Variants in PIK3C2G observed in about 807,000 individuals in gnomAD.
PIK3C2G encodes the protein phosphatidylinositol-4-phosphate 3-kinase catalytic subunit type 2 gamma.
A neutral mutation model predicts 181.1 loss-of-function variants in PIK3C2G; 168 were observed. That is an observed-to-expected ratio of 0.93 (90% CI 0.82 to 1.05). The LOEUF (loss-of-function observed/expected upper bound fraction) is 1.05, where lower values mean the gene tolerates loss of function less well. Ranked by LOEUF, PIK3C2G falls within the 50% of genes least tolerant of loss-of-function variation. PIK3C2G has a pLI of 0.00. For missense variants in PIK3C2G, 1,869 were observed against 1,732.8 expected, an observed-to-expected ratio of 1.08 and a Z score of -1.40; for synonymous variants, 573 against 592.2, an observed-to-expected ratio of 0.97 and a Z score of 0.47.
chr12:18,516,157 C>T (rs1942525262), intron 24 of PIK3C2G, among the ~76,000 whole-genome samples: 1 of 151,892 alleles, frequency 6.6e-6, no homozygotes, highest in Non-Finnish European at 1.5e-5. Context: ...TAAGACAGAT[C>T]CGGTGTAAAT....
chr12:18,662,119 T>C, the PIK3C2G span, among the ~76,000 whole-genome samples: 1 of 152,024 alleles, frequency 6.6e-6, no homozygotes, highest in Admixed American at 6.6e-5. Context: ...ACACTGGGAC[T>C]ACTTGAAGAT....
At chr12:18,465,975 C>A (rs1188235570) in intron 18 of PIK3C2G, among the ~76,000 whole-genome samples, 1 of 151,338 alleles carries the variant, frequency 6.6e-6, no homozygotes, top group African/African-American at 2.4e-5. Flanking sequence ...TATCTTCCTA[C>A]ACTAGATTCT....
chr12:18,709,360 G>C, the PIK3C2G span, among the ~76,000 whole-genome samples: 1 of 151,954 alleles, frequency 6.6e-6, no homozygotes, highest in African/African-American at 2.4e-5. Flanking sequence ...TCTCTATTCT[G>C]TTCCACTGGT....
At chr12:18,725,811 CTTCT>C in the PIK3C2G span, among the ~76,000 whole-genome samples, 3 of 151,980 alleles carry the variant, frequency 2.0e-5, no homozygotes, top group Non-Finnish European at 4.4e-5. Flanking sequence ...CCGGAATATC[CTTCT>C]TTCTGTTTAA....
the PIK3C2G span, chr12:18,688,278 T>C: frequency 1.3e-6 from 2 of 1,525,994 alleles, no homozygotes; most frequent in African/African-American, 2.8e-5. Flanking sequence ...TCACCATTTA[T>C]TTCAAAATTA....
the PIK3C2G span, among the ~76,000 whole-genome samples, chr12:18,670,079 G>T: frequency 6.6e-6 from 1 of 151,986 alleles, no homozygotes. Context: ...CACCCCATTG[G>T]GAGTTAGGGC....
chr12:18,662,332 T>TA, the PIK3C2G span, among the ~76,000 whole-genome samples: 10 of 151,980 alleles, frequency 6.6e-5, no homozygotes, highest in African/African-American at 2.4e-4. Flanking sequence ...GTACAATTTT[T>TA]AAAAAACACA....
chr12:18,274,033 CA>C (rs1020201775), intron 1 of PIK3C2G, among the ~76,000 whole-genome samples: 7 of 151,978 alleles, frequency 4.6e-5, no homozygotes, highest in Admixed American at 1.3e-4. Flanking sequence ...CTTACACAGC[CA>C]AAAAACACAT....
chr12:18,559,951 C>A (rs2136324196), intron 26 of PIK3C2G, among the ~76,000 whole-genome samples: 1 of 150,356 alleles, frequency 6.7e-6, no homozygotes, highest in Admixed American at 6.6e-5. Flanking sequence ...CCAAGCAATT[C>A]TCCTGCCTCA....
At chr12:18,675,215 T>G in the PIK3C2G span, among the ~76,000 whole-genome samples, 1 of 152,126 alleles carries the variant, frequency 6.6e-6, no homozygotes, top group Non-Finnish European at 1.5e-5. Flanking sequence ...GAGTAAACTC[T>G]CCTCCTCCCT....
At chr12:18,483,348 G>C (rs1037536007) in intron 18 of PIK3C2G, among the ~76,000 whole-genome samples, 1 of 152,178 alleles carries the variant, frequency 6.6e-6, no homozygotes, top group Non-Finnish European at 1.5e-5. Context: ...CAGATACTCA[G>C]ACACTTGGCT....
At chr12:18,381,200 T>C (rs1942810127) in intron 13 of PIK3C2G, among the ~76,000 whole-genome samples, 1 of 152,236 alleles carries the variant, frequency 6.6e-6, no homozygotes, top group Non-Finnish European at 1.5e-5. Context: ...TTTAAACATT[T>C]AGAATATGAA....
At chr12:18,678,784 A>T in the PIK3C2G span, among the ~76,000 whole-genome samples, 1 of 152,048 alleles carries the variant, frequency 6.6e-6, no homozygotes, top group Non-Finnish European at 1.5e-5. Context: ...GGGTTATTAT[A>T]AAAAATCCTT....
intron 22 of PIK3C2G, among the ~76,000 whole-genome samples, chr12:18,500,883 G>A (rs117931298): frequency 1.3e-5 from 2 of 151,988 alleles, no homozygotes; most frequent in Admixed American, 6.6e-5. Context: ...AACCCTCACC[G>A]CGAAGGTCTG....
At chr12:18,533,914 A>G (rs1943693914) in intron 24 of PIK3C2G, among the ~76,000 whole-genome samples, 1 of 151,078 alleles carries the variant, frequency 6.6e-6, no homozygotes, top group Non-Finnish European at 1.5e-5. Context: ...AGTAATAAAC[A>G]GCAAACTATT....
At chr12:18,552,694 C>T (rs1474967828) in intron 26 of PIK3C2G, among the ~76,000 whole-genome samples, 1 of 152,082 alleles carries the variant, frequency 6.6e-6, no homozygotes, top group Admixed American at 6.6e-5. Flanking sequence ...GCTTTATAAA[C>T]TATTTTTAAC....
At chr12:18,594,774 G>A (rs1315277573) in intron 30 of PIK3C2G, among the ~76,000 whole-genome samples, 2 of 151,966 alleles carry the variant, frequency 1.3e-5, no homozygotes, top group African/African-American at 2.4e-5. Context: ...GAATTCTAGA[G>A]GTGTGGGGCT....
Position 18,562,805 on chromosome 12 carries a change from G to A in PIK3C2G, c.3693G>A (p.Gln1231=), listed in dbSNP as rs750895832. Residue 1231 remains glutamine (Q), a synonymous_variant, in exon 27 of 33, where the codon CAG becomes CAA. Transcript: ENST00000538779. ...TAAGCCCTGCCAAATCTACTTCACAGACTTTTCCTCAGGAATCCTGTTTGC... is the reference window on the plus strand; with the variant it reads ...TAAGCCCTGCCAAATCTACTTCACAAACTTTTCCTCAGGAATCCTGTTTGC... ...SAISPAKSTS[Q]TFPQESCLLS... 6 of 1,608,286 alleles carry A rather than the reference G, an allele frequency of 3.7e-6. No homozygotes were observed. In the South Asian group the frequency reaches 6.7e-5, roughly 18 times the overall value.
rs140303800 is a variant in PIK3C2G at position 18,594,243 on chromosome 12, G to C, written c.4012-251G>C. 4.3e-3 allele frequency among the ~76,000 whole-genome samples: 649 copies of C among 152,080 alleles called. 5 individuals are homozygous for C. The highest frequency in any genetic ancestry group is 0.015 in the African/African-American group (622 of 41,510). ...TGGACATTTATGATGAGGTCCAAGA[G>C]CAGAGCACACTTGAACCTCTTGAAG... On this transcript the variant is annotated intron_variant, in intron 29 of 32. Transcript: ENST00000538779.
Sources: allele counts gnomAD v4.1 joint callset (sites outside exome capture counted in the v4.1 genomes callset), GRCh38; gene constraint gnomAD v4.1.1; transcripts MANE v1.5; gene names NCBI Gene and HGNC (gene_info 2026-07-23, HGNC 2026-07-21).